Variants in SYN2 observed in about 807,000 individuals in gnomAD.
SYN2 encodes synapsin-2.
SYN2 carries 19 observed loss-of-function variants against 50.9 expected under a neutral mutation model. The ratio of observed to expected loss-of-function variants is 0.37; its 90% confidence interval spans 0.26 to 0.55. SYN2 has a LOEUF of 0.55. Ranked by LOEUF, SYN2 falls within the 20% of genes least tolerant of loss-of-function variation. The pLI, the probability that SYN2 is intolerant of heterozygous loss-of-function variation, is 0.81. For synonymous variants in SYN2, 255 were observed against 224.9 expected, an observed-to-expected ratio of 1.13 and a Z score of -1.20; for missense variants, 587 against 576.4, an observed-to-expected ratio of 1.02 and a Z score of -0.19.
intron 10 of SYN2, 24 bp from the exon 11 acceptor site, chr3:12,183,288 A>C: frequency 2.5e-6 from 4 of 1,583,412 alleles, no homozygotes; most frequent in Non-Finnish European, 3.4e-6. Context: ...TTTTGTTTTT[A>C]TCTCTTACAT....
At chr3:12,139,835 T>G (rs1696975480) in intron 1 of SYN2, among the ~76,000 whole-genome samples, 1 of 152,176 alleles carries the variant, frequency 6.6e-6, no homozygotes, top group Admixed American at 6.5e-5. Context: ...TAAGGAAATC[T>G]AATGTGGGGA....
intron 1 of SYN2, among the ~76,000 whole-genome samples, chr3:12,129,117 A>T (rs990584222): frequency 3.9e-5 from 6 of 152,214 alleles, no homozygotes; most frequent in Non-Finnish European, 5.9e-5. Flanking sequence ...AAAGATTTCA[A>T]AATAGAAATA....
chr3:12,017,572 T>C (rs1694050589), intron 1 of SYN2, among the ~76,000 whole-genome samples: 1 of 152,214 alleles, frequency 6.6e-6, no homozygotes, highest in South Asian at 2.1e-4. Context: ...TTTCTTATTC[T>C]CTCTGAACTT....
At chr3:12,112,510 G>C in intron 1 of SYN2, among the ~76,000 whole-genome samples, 1 of 152,028 alleles carries the variant, frequency 6.6e-6, no homozygotes, top group South Asian at 2.1e-4. Context: ...GGAGTTACAA[G>C]TCTGTTAACC....
chr3:12,158,954 AG>A (rs1223132853), intron 5 of SYN2: 1 of 1,390,174 alleles, frequency 7.2e-7, no homozygotes, highest in East Asian at 2.7e-5. Flanking sequence ...GGTGGCCCTA[AG>A]GGCCAATCCC....
At chr3:12,017,724 A>G (rs571441001) in intron 1 of SYN2, among the ~76,000 whole-genome samples, 11 of 152,374 alleles carry the variant, frequency 7.2e-5, no homozygotes, top group Middle Eastern at 3.4e-3. Flanking sequence ...CAGCTTTAAG[A>G]CAACAGCTTA....
At chr3:12,015,834 C>A (rs936316759) in intron 1 of SYN2, among the ~76,000 whole-genome samples, 2 of 152,168 alleles carry the variant, frequency 1.3e-5, no homozygotes, top group Non-Finnish European at 2.9e-5. Flanking sequence ...TCGTTCTTTT[C>A]TTCTTTCTAT....
At chr3:12,161,308 G>A (rs1027861690) in intron 5 of SYN2, among the ~76,000 whole-genome samples, 45 of 152,150 alleles carry the variant, frequency 3.0e-4, no homozygotes, top group African/African-American at 1.1e-3. Flanking sequence ...GCATTTTAAA[G>A]ATGTAGGGTA....
At chr3:12,136,123 A>C (rs1450612279) in intron 1 of SYN2, among the ~76,000 whole-genome samples, 1 of 152,180 alleles carries the variant, frequency 6.6e-6, no homozygotes, top group Non-Finnish European at 1.5e-5. Context: ...TCATGAGCAG[A>C]CAATAAATGT....
chr3:12,110,377 C>T (rs1011394722), intron 1 of SYN2, among the ~76,000 whole-genome samples: 4 of 152,112 alleles, frequency 2.6e-5, no homozygotes, highest in African/African-American at 9.7e-5. Context: ...GCATTGAGTG[C>T]CTGAAGCTTT....
intron 1 of SYN2, among the ~76,000 whole-genome samples, chr3:12,052,334 A>G (rs1464524006): frequency 6.6e-6 from 1 of 151,552 alleles, no homozygotes; most frequent in Non-Finnish European, 1.5e-5. Flanking sequence ...ACTGCCTGAT[A>G]GGAGCTGTGC....
At chr3:12,118,174 A>G (rs1261596324) in intron 1 of SYN2, among the ~76,000 whole-genome samples, 1 of 152,214 alleles carries the variant, frequency 6.6e-6, no homozygotes, top group African/African-American at 2.4e-5. Context: ...CTCACCTATA[A>G]AATGGGGATA....
At position 12,187,247 on chromosome 3, in the gene SYN2, G is replaced by C; in HGVS notation, c.1370-122G>C. Reference sequence around the variant, plus strand: ...CCTTTAGGGCCCTTCAGAGACTCCAGCTTCTTGGAATAGAGCTTATCCTTT... The same window carrying C: ...CCTTTAGGGCCCTTCAGAGACTCCACCTTCTTGGAATAGAGCTTATCCTTT... On this transcript the variant is annotated intron_variant, in intron 11 of 12. Transcript: ENST00000621198. 8.1e-6 allele frequency: 11 copies of C among 1,361,848 alleles called. No individual in the cohort carries two copies. The South Asian group carries it at 1.7e-4, about 22-fold the overall frequency. The allele number at this position is 1,361,848 out of a possible 1,614,324, so 84.4% of individuals were successfully genotyped here.
intron 1 of SYN2, among the ~76,000 whole-genome samples, chr3:12,115,527 CCTT>C (rs1269356113): frequency 1.3e-5 from 2 of 152,150 alleles, no homozygotes; most frequent in Non-Finnish European, 2.9e-5. Context: ...TCAGATGAAA[CCTT>C]CTAGGATTCA....
intron 1 of SYN2, among the ~76,000 whole-genome samples, chr3:12,088,484 C>T (rs902197448): frequency 5.3e-5 from 8 of 152,036 alleles, no homozygotes; most frequent in Non-Finnish European, 7.4e-5. Context: ...TTTTGGAAAA[C>T]GCTATGGAGG....
chr3:12,113,696 C>T (rs1387851842), intron 1 of SYN2, among the ~76,000 whole-genome samples: 2 of 152,166 alleles, frequency 1.3e-5, no homozygotes, highest in African/African-American at 4.8e-5. Flanking sequence ...AATGAAATCA[C>T]ACAATGTACT....
intron 4 of SYN2, among the ~76,000 whole-genome samples, chr3:12,150,821 T>C (rs1003464493): frequency 6.6e-6 from 1 of 152,202 alleles, no homozygotes; most frequent in East Asian, 1.9e-4. Flanking sequence ...ACTTGGCCCA[T>C]GTCACCTATC....
intron 1 of SYN2, among the ~76,000 whole-genome samples, chr3:12,006,450 G>A (rs910613171): frequency 2.0e-5 from 3 of 152,158 alleles, no homozygotes; most frequent in African/African-American, 4.8e-5. Flanking sequence ...AGGAAGGGAA[G>A]GTAACCAAGC....
At chr3:12,140,423 A>G (rs1696987551) in intron 1 of SYN2, among the ~76,000 whole-genome samples, 2 of 152,178 alleles carry the variant, frequency 1.3e-5, no homozygotes, top group African/African-American at 4.8e-5. Flanking sequence ...ACAAAACCTG[A>G]TAATGAAGGG....
Sources: gnomAD v4.1 joint callset for allele counts (sites outside exome capture counted in the v4.1 genomes callset) on GRCh38, gnomAD v4.1.1 for gene constraint, MANE v1.5 for transcripts, NCBI Gene and HGNC (gene_info 2026-07-23, HGNC 2026-07-21) for gene names.